Variants in SORCS1 observed in about 807,000 individuals in gnomAD.
SORCS1 encodes sortilin related VPS10 domain containing receptor 1.
A neutral mutation model predicts 146.1 loss-of-function variants in SORCS1; 60 were observed. That is an observed-to-expected ratio of 0.41 (90% CI 0.33 to 0.51). SORCS1 has a LOEUF of 0.51. SORCS1 is among the 20% of genes least tolerant of loss of function. The pLI, the probability that SORCS1 is intolerant of heterozygous loss-of-function variation, is 0.21. For missense variants in SORCS1, 1,352 were observed against 1,487.6 expected (o/e 0.91, Z 1.50); for synonymous variants, 637 against 584.0 (o/e 1.09, Z -1.31).
intron 1 of SORCS1, among the ~76,000 whole-genome samples, chr10:107,105,559 C>T (rs1012847203): frequency 2.6e-4 from 40 of 152,146 alleles, no homozygotes; most frequent in Admixed American, 1.4e-3. Context: ...GGTATGAGTC[C>T]AACAGTCCAA....
chr10:106,980,240 G>A (rs1036398740), intron 1 of SORCS1, among the ~76,000 whole-genome samples: 16 of 152,190 alleles, frequency 1.1e-4, no homozygotes, highest in Middle Eastern at 3.2e-3. Context: ...ATGCCCAAAC[G>A]TAGCACATTG....
chr10:107,142,344 A>C (rs1967920045), intron 1 of SORCS1, among the ~76,000 whole-genome samples: 1 of 152,188 alleles, frequency 6.6e-6, no homozygotes, highest in Non-Finnish European at 1.5e-5. Context: ...GCGCTGCAAG[A>C]AGCAGCTAAA....
intron 1 of SORCS1, among the ~76,000 whole-genome samples, chr10:107,018,662 T>G (rs959168972): frequency 6.6e-6 from 1 of 150,542 alleles, no homozygotes; most frequent in African/African-American, 2.4e-5. Context: ...TAGCAATAGG[T>G]AAAGAAGGAA....
At chr10:107,028,601 T>A (rs992610612) in intron 1 of SORCS1, among the ~76,000 whole-genome samples, 1 of 152,196 alleles carries the variant, frequency 6.6e-6, no homozygotes, top group African/African-American at 2.4e-5. Flanking sequence ...TTAGAGAGAT[T>A]AGCAATATTT....
intron 1 of SORCS1, among the ~76,000 whole-genome samples, chr10:107,119,142 T>C (rs573474773): frequency 6.6e-6 from 1 of 152,226 alleles, no homozygotes; most frequent in African/African-American, 2.4e-5. Flanking sequence ...ACTGGTAATA[T>C]AGGAAGTGAA....
chr10:107,075,350 AG>A (rs1210338542), intron 1 of SORCS1, among the ~76,000 whole-genome samples: 3 of 152,190 alleles, frequency 2.0e-5, no homozygotes, highest in Non-Finnish European at 4.4e-5. Context: ...ACGGATTGAA[AG>A]CAAAGCCTAA....
intron 18 of SORCS1, among the ~76,000 whole-genome samples, chr10:106,641,556 G>C (rs942144816): frequency 6.6e-6 from 1 of 152,092 alleles, no homozygotes; most frequent in Non-Finnish European, 1.5e-5. Context: ...ACCATGTTTT[G>C]ACTGTTTTTC....
At chr10:106,815,445 T>C (rs1335103632) in intron 3 of SORCS1, among the ~76,000 whole-genome samples, 1 of 152,186 alleles carries the variant, frequency 6.6e-6, no homozygotes, top group Non-Finnish European at 1.5e-5. Flanking sequence ...GTTAGGTATG[T>C]ATGGGAGGAA....
intron 2 of SORCS1, among the ~76,000 whole-genome samples, chr10:106,924,527 G>A (rs1952900967): frequency 1.3e-5 from 2 of 150,670 alleles, no homozygotes; most frequent in Non-Finnish European, 2.9e-5. Flanking sequence ...TTTGCATTGG[G>A]CAGGAGCTAC....
At chr10:106,964,713 C>T (rs1048172622) in intron 1 of SORCS1, among the ~76,000 whole-genome samples, 2 of 151,950 alleles carry the variant, frequency 1.3e-5, no homozygotes, top group Non-Finnish European at 2.9e-5. Context: ...GTTTCGATCT[C>T]CTGACCTCCT....
intron 6 of SORCS1, among the ~76,000 whole-genome samples, chr10:106,709,666 T>TCTCG (rs1384373445): frequency 9.9e-5 from 15 of 152,048 alleles, no homozygotes; most frequent in Admixed American, 9.8e-4. Context: ...GCCAGGATGG[T>TCTCG]CTCGATCTCC....
intron 2 of SORCS1, among the ~76,000 whole-genome samples, chr10:106,913,563 C>T (rs1188141683): frequency 6.6e-6 from 1 of 152,162 alleles, no homozygotes; most frequent in Non-Finnish European, 1.5e-5. Context: ...ATTAAGGAGA[C>T]AAGGGTTTCG....
chr10:106,867,315 C>T (rs145857938), intron 2 of SORCS1, among the ~76,000 whole-genome samples: 2,783 of 150,478 alleles, frequency 0.018, 93 homozygotes, highest in East Asian at 0.13. Context: ...AACGGAGTCT[C>T]GTTCTGTCGC....
intron 1 of SORCS1, among the ~76,000 whole-genome samples, chr10:107,136,449 G>A (rs1827920769): frequency 1.3e-5 from 2 of 152,218 alleles, no homozygotes; most frequent in East Asian, 3.9e-4. Context: ...AGCCATCAAA[G>A]CTTGAAAACA....
chr10:106,800,531 TTTTTTTTTA>T (rs1447212281), intron 3 of SORCS1, among the ~76,000 whole-genome samples: 1 of 127,520 alleles, frequency 7.8e-6, no homozygotes, highest in African/African-American at 2.8e-5. Context: ...TTTTTTTTTT[TTTTTTTTTA>T]AGATGGAGTC....
chr10:106,743,487 C>T (rs963112368), intron 5 of SORCS1, among the ~76,000 whole-genome samples: 2 of 152,122 alleles, frequency 1.3e-5, no homozygotes, highest in Admixed American at 6.5e-5. Flanking sequence ...AGCAATGGTG[C>T]GATCTCAGCT....
chr10:106,798,354 A>G (rs1946686668), intron 3 of SORCS1, among the ~76,000 whole-genome samples: 1 of 152,168 alleles, frequency 6.6e-6, no homozygotes, highest in Non-Finnish European at 1.5e-5. Flanking sequence ...TTTGTTACAT[A>G]TGTATACATG....
Position 107,031,293 on chromosome 10 carries a change from T to C in SORCS1, c.559-74713A>G, listed in dbSNP as rs535841278. ...TTGGTTTCATCAAAAAGTAACTTTC[T>C]AGTGATCCTTTTCAACCCTTGCCAG... On this transcript the variant is annotated intron_variant, in intron 1 of 25. Coordinates refer to ENST00000263054, the MANE Select transcript of SORCS1 (RefSeq NM_052918.5). Among the ~76,000 whole-genome samples the C allele has an allele frequency of 1.9e-3, 291 of 152,072 alleles. 2 individuals carry two copies. Among genetic ancestry groups the C allele is most frequent in the Non-Finnish European group, 3.2e-3 (220 of 68,038 alleles).
intron 2 of SORCS1, among the ~76,000 whole-genome samples, chr10:106,895,286 T>C (rs74152265): frequency 0.12 from 17,719 of 152,188 alleles, 2,580 homozygotes; most frequent in African/African-American, 0.34. Flanking sequence ...GCATGACCTG[T>C]GATTTTTAGG....
Sources: allele counts gnomAD v4.1 joint callset (sites outside exome capture counted in the v4.1 genomes callset), GRCh38; gene constraint gnomAD v4.1.1; transcripts MANE v1.5; gene names NCBI Gene and HGNC (gene_info 2026-07-23, HGNC 2026-07-21).